MERTK: variants seen among roughly 807,000 people sequenced by gnomAD.
MERTK encodes MER proto-oncogene, tyrosine kinase, also known as tyrosine-protein kinase Mer.
In MERTK, 69 loss-of-function variants were observed where a neutral mutation model predicts 99.3. The ratio of observed to expected loss-of-function variants is 0.70; its 90% CI spans 0.57 to 0.85. MERTK has a LOEUF of 0.85. MERTK is among the 40% of genes least tolerant of loss of function. The probability of loss-of-function intolerance (pLI) is 0.00; values close to 1 mark genes in which losing one functional copy is unlikely to be tolerated. For missense variants in MERTK, 1,125 were observed against 1,249.4 expected (o/e 0.90, Z 1.50); for synonymous variants, 426 against 467.6 (o/e 0.91, Z 1.15).
At chr2:111,904,581 G>C (rs1391162480) in intron 1 of MERTK, among the ~76,000 whole-genome samples, 1 of 151,966 alleles carries the variant, frequency 6.6e-6, no homozygotes, top group African/African-American at 2.4e-5. Context: ...TCACCGTGTT[G>C]GGCAGGCTGG....
At chr2:111,909,640 T>C (rs1422386339) in intron 1 of MERTK, among the ~76,000 whole-genome samples, 1 of 152,170 alleles carries the variant, frequency 6.6e-6, no homozygotes, top group Non-Finnish European at 1.5e-5. Flanking sequence ...ATCACTTATG[T>C]CTTTAAATGA....
At chr2:111,968,674 C>T (rs1178471416) in intron 6 of MERTK, among the ~76,000 whole-genome samples, 2 of 152,110 alleles carry the variant, frequency 1.3e-5, no homozygotes, top group Admixed American at 6.5e-5. Flanking sequence ...AGATTACAGG[C>T]GTGCATCACC....
At chr2:111,940,600 T>C in intron 2 of MERTK, 1 of 654,002 alleles carries the variant, frequency 1.5e-6, no homozygotes, top group South Asian at 1.4e-5. Context: ...GCAATCATCA[T>C]GACATTGAAC....
intron 15 of MERTK, chr2:112,013,374 G>A (rs565365965): frequency 1.3e-5 from 2 of 154,250 alleles, no homozygotes; most frequent in Non-Finnish European, 2.9e-5. Context: ...TCTGTAAAAG[G>A]ATAAAAAATT....
chr2:112,027,319 TACACACAC>T (rs1340238439), intron 18 of MERTK, among the ~76,000 whole-genome samples: 2 of 151,376 alleles, frequency 1.3e-5, no homozygotes, highest in Non-Finnish European at 2.9e-5. Context: ...TGTATATATA[TACACACAC>T]ATATGGCATA....
chr2:111,899,943 A>C (rs749160832), intron 1 of MERTK, among the ~76,000 whole-genome samples: 35 of 152,058 alleles, frequency 2.3e-4, no homozygotes, highest in Non-Finnish European at 4.1e-4. Context: ...TCGCTGATGC[A>C]CTTCTTGAGG....
chr2:111,995,264 C>T (rs1198369578), intron 9 of MERTK: 3 of 156,458 alleles, frequency 1.9e-5, no homozygotes. Flanking sequence ...CTGGAATGTC[C>T]TTTGGCACGG....
chr2:111,930,839 C>G (rs1021723821), intron 2 of MERTK, among the ~76,000 whole-genome samples: 1 of 152,066 alleles, frequency 6.6e-6, no homozygotes, highest in Non-Finnish European at 1.5e-5. Context: ...TTTGTATTCT[C>G]CACTCTTTCC....
At chr2:111,920,588 G>T in intron 1 of MERTK, among the ~76,000 whole-genome samples, 2 of 148,782 alleles carry the variant, frequency 1.3e-5, no homozygotes, top group African/African-American at 2.5e-5. Context: ...TTCTTCTAAT[G>T]AAGTGTTGCT....
intron 6 of MERTK, among the ~76,000 whole-genome samples, chr2:111,971,583 G>A (rs1573610774): frequency 6.6e-6 from 1 of 152,016 alleles, no homozygotes; most frequent in African/African-American, 2.4e-5. Flanking sequence ...TTAGAAGTGT[G>A]TATTTAAATT....
chr2:111,960,949 C>G (rs911882615), intron 4 of MERTK, among the ~76,000 whole-genome samples: 7 of 151,288 alleles, frequency 4.6e-5, no homozygotes, highest in African/African-American at 9.7e-5. Flanking sequence ...TATAAAGACC[C>G]CGAGGCAGAG....
At chr2:111,939,935 A>G (rs910633392) in intron 2 of MERTK, among the ~76,000 whole-genome samples, 1 of 151,968 alleles carries the variant, frequency 6.6e-6, no homozygotes, top group Non-Finnish European at 1.5e-5. Context: ...ACTGATATTC[A>G]TTTATTTATT....
chr2:112,026,674 A>G (rs577290588), intron 18 of MERTK, among the ~76,000 whole-genome samples: 119 of 152,352 alleles, frequency 7.8e-4, no homozygotes, highest in African/African-American at 2.8e-3. Context: ...TTCAGGATCA[A>G]GCTCTTTACA....
At chr2:111,935,338 C>T (rs1195162285) in intron 2 of MERTK, among the ~76,000 whole-genome samples, 2 of 152,156 alleles carry the variant, frequency 1.3e-5, no homozygotes, top group Non-Finnish European at 2.9e-5. Flanking sequence ...CCAAATCAAA[C>T]GTCAGGTGCG....
chr2:112,013,923 C>T (rs1027350324), intron 15 of MERTK, among the ~76,000 whole-genome samples: 11 of 152,096 alleles, frequency 7.2e-5, no homozygotes, highest in Non-Finnish European at 1.2e-4. Context: ...GGCTCAATCT[C>T]GGCTCACCAC....
chr2:111,953,869 C>T (rs1225281702), intron 4 of MERTK, among the ~76,000 whole-genome samples: 1 of 152,216 alleles, frequency 6.6e-6, no homozygotes, highest in Admixed American at 6.5e-5. Context: ...GCCACTGTGC[C>T]CAGGCCCTGT....
At chr2:111,988,278 A>G (rs1045800916) in intron 8 of MERTK, among the ~76,000 whole-genome samples, 1 of 152,138 alleles carries the variant, frequency 6.6e-6, no homozygotes, top group Non-Finnish European at 1.5e-5. Context: ...GTGTTGTCTT[A>G]AAGTATGAGG....
At chr2:111,933,119 A>C (rs1684703637) in intron 2 of MERTK, among the ~76,000 whole-genome samples, 1 of 152,176 alleles carries the variant, frequency 6.6e-6, no homozygotes, top group Admixed American at 6.5e-5. Flanking sequence ...TATTTATATA[A>C]TTTCTTGGCA....
At chr2:112,022,025 C>G (rs1157007951) in intron 17 of MERTK, among the ~76,000 whole-genome samples, 2 of 152,156 alleles carry the variant, frequency 1.3e-5, no homozygotes, top group Non-Finnish European at 2.9e-5. Context: ...AGATGTGTGA[C>G]GAGGCTGTTT....
Sources: allele counts gnomAD v4.1 joint callset (sites outside exome capture counted in the v4.1 genomes callset), GRCh38; gene constraint gnomAD v4.1.1; transcripts MANE v1.5; gene names NCBI Gene and HGNC (gene_info 2026-07-23, HGNC 2026-07-21).